The following SEC16A variants were observed in gnomAD, a reference collection of about 807,000 sequenced individuals.
SEC16A encodes SEC16 homolog A, endoplasmic reticulum export factor, also known as protein transport protein Sec16A.
A neutral mutation model predicts 221.9 loss-of-function variants in SEC16A; 110 were observed. The observed-to-expected ratio is 0.50, with a 90% CI of 0.42 to 0.58. The LOEUF (loss-of-function observed/expected upper bound fraction) is 0.58, where lower values mean the gene tolerates loss of function less well. Ranked by LOEUF, SEC16A falls within the 20% of genes least tolerant of loss-of-function variation. SEC16A has a pLI of 0.00. For synonymous variants in SEC16A, 1,393 were observed against 1,257.7 expected (o/e 1.11, Z -2.28); for missense variants, 3,165 against 3,097.8 (o/e 1.02, Z -0.52).
At chr9:136,461,882 G>A (rs1278091297) in intron 12 of SEC16A, among the ~76,000 whole-genome samples, 8 of 152,134 alleles carry the variant, frequency 5.3e-5, no homozygotes, top group African/African-American at 1.4e-4. Flanking sequence ...CAAGGTGGGC[G>A]GATTGCTTGA....
chr9:136,448,162 C>T lies in SEC16A; in HGVS notation c.6313-1G>A. On this transcript the variant is annotated splice_acceptor_variant, in intron 23 of 31. Coordinates refer to ENST00000684901, the MANE Select transcript of SEC16A (RefSeq NM_014866.2). LOFTEE classifies it high-confidence loss of function. ...GCCAACGAAAGAACCAGGATTCACC[C>T]TAAATATAAAAAACACGAGAACAAC... is the stretch of plus-strand genomic sequence containing the variant. 6.2e-7 allele frequency: 1 copy of T among 1,612,176 alleles called. No individual in the cohort carries two copies. Among genetic ancestry groups the T allele is most frequent in the Non-Finnish European group, 8.5e-7 (1 of 1,178,448 alleles).
chr9:136,444,879 CAAAAAAAAAA>C lies in SEC16A; in HGVS notation c.6927+163_6927+172del, dbSNP rs757568383. Among the ~76,000 whole-genome samples, 9 of 65,634 alleles carry C rather than the reference CAAAAAAAAAA, an allele frequency of 1.4e-4. No homozygotes were observed. In the East Asian group the frequency reaches 2.1e-3, roughly 15 times the overall value. The allele number at this position is 65,634 out of a possible 152,430, so 43.1% of individuals were successfully genotyped here. A position where few individuals can be genotyped will look rare whatever the true frequency, so the allele number is the denominator to read the frequency against. On this transcript the variant is annotated intron_variant, in intron 30 of 31. Transcript: ENST00000684901. ...GGGCAACAAGAGCGAAACTCCGTCT[CAAAAAAAAAA>C]AAAAAAAAAAAAGGAACCCTGTACC...
chr9:136,456,672 G>A (rs1252620088), intron 18 of SEC16A, among the ~76,000 whole-genome samples: 2 of 152,320 alleles, frequency 1.3e-5, no homozygotes, highest in Non-Finnish European at 2.9e-5. Context: ...TATCCCATGA[G>A]CACGTTCTCA....
intron 30 of SEC16A, 80 bp from the exon 31 acceptor site, chr9:136,443,980 T>C: frequency 2.1e-6 from 2 of 947,042 alleles, no homozygotes; most frequent in Non-Finnish European, 1.6e-6. Flanking sequence ...CAGACACCGC[T>C]TCTGGGTGGG....
rs1836035897 is a variant in SEC16A at position 136,440,177 on chromosome 9, C to G, written c.*1578G>C. ...TCTCATTTAGGAAAAATAGCCGCTC[C>G]CGCCTGGAGGAAGCTTCTTGAATCA... On this transcript the variant is annotated 3_prime_UTR_variant, in exon 32 of 32. Transcript: ENST00000684901. 2 of 152,480 alleles carry G rather than the reference C, an allele frequency of 1.3e-5. No individual in the cohort carries two copies. Among genetic ancestry groups the G allele is most frequent in the Admixed American group, 1.3e-4 (2 of 15,306 alleles). The allele number at this position is 152,480 out of a possible 1,614,324, so 9.4% of individuals were successfully genotyped here.
At position 136,475,333 on chromosome 9, in the gene SEC16A, T is replaced by G; in HGVS notation, c.2283A>C (p.Pro761=). 6.2e-7 allele frequency: 1 copy of G among 1,611,678 alleles called. No individual in the cohort carries two copies. The highest frequency in any genetic ancestry group is 1.7e-4 in the Middle Eastern group (1 of 6,056). The change falls in exon 3 of 32, where the codon CCA becomes CCC. Residue 761 remains proline (P), a synonymous_variant. Transcript: ENST00000684901. The surrounding 1 kb of genome is among the most constrained non-coding windows in gnomAD (Gnocchi z 5.0). ...AKPQPPVVQP[P]EEAMSGQQSR... ...ACTGCTGCCCGGACATCGCCTCTTCTGGAGGCTGAACAACAGGTGGCTGAG... is the reference window on the plus strand; with the variant it reads ...ACTGCTGCCCGGACATCGCCTCTTCGGGAGGCTGAACAACAGGTGGCTGAG...
At chr9:136,443,714 A>G in intron 31 of SEC16A, 109 bp downstream of exon 31, 1 of 733,488 alleles carries the variant, frequency 1.4e-6, no homozygotes, top group Non-Finnish European at 2.3e-6. Context: ...TATTTTTTAA[A>G]AAGAAAGAAA....
In SEC16A at chr9:136,459,611, G is replaced by A; in HGVS notation, c.5192-56C>T. The stretch of plus-strand genomic sequence containing the variant: ...GGCTCAGCGACCGGGAGCGCTTGCA[G>A]AAGTCAAGGACGCGCACAGAAGGCA... On this transcript the variant is annotated intron_variant, in intron 15 of 31. Transcript: ENST00000684901. This position sits in a 1 kb window ranked among gnomAD's most constrained non-coding sequence, Gnocchi z 6.1. 6.9e-7 allele frequency: 1 copy of A among 1,443,340 alleles called. No homozygotes were observed. The highest frequency in any genetic ancestry group is 1.2e-5 in the South Asian group (1 of 81,678). 89.4% of individuals were successfully genotyped at this position (1,443,340 alleles called of 1,614,324 possible).
At chr9:136,455,227 G>A (rs1006056456) in intron 20 of SEC16A, among the ~76,000 whole-genome samples, 4 of 152,204 alleles carry the variant, frequency 2.6e-5, no homozygotes, top group Admixed American at 2.0e-4. Flanking sequence ...CCACCGACGG[G>A]GCCGACTGGG....
In SEC16A at chr9:136,476,485, T is replaced by C. The variant is rs1564538458; in HGVS notation, c.1131A>G (p.Gln377=). The C allele has an allele frequency of 5.6e-6, 9 of 1,613,174 alleles. No homozygotes were observed. The highest frequency in any genetic ancestry group is 7.6e-6 in the Non-Finnish European group (9 of 1,179,774). ...GASGALAMFF[Q]GGETENEENL... is the part of the protein sequence containing the mutation. ...TCTCCTCATTTTCTGTCTCTCCCCC[T>C]TGGAAAAACATCGCCAGAGCTCCTG... Residue 377 remains glutamine, a synonymous_variant, in exon 3 of 32, where the codon CAA becomes CAG. Coordinates refer to ENST00000684901, the MANE Select transcript of SEC16A (RefSeq NM_014866.2).
intron 13 of SEC16A, among the ~76,000 whole-genome samples, chr9:136,460,976 A>G (rs961351397): frequency 7.9e-5 from 12 of 152,346 alleles, no homozygotes; most frequent in Admixed American, 6.5e-4. Flanking sequence ...AGTACTAAAA[A>G]CCATGCAGTT....
At chr9:136,462,484 G>A (rs535284874) in intron 12 of SEC16A, among the ~76,000 whole-genome samples, 17 of 152,296 alleles carry the variant, frequency 1.1e-4, no homozygotes, top group African/African-American at 4.1e-4. Context: ...GCCTCTGACA[G>A]GTTCAGTGTG....
At chr9:136,456,464 A>G (rs1220713963) in intron 18 of SEC16A, among the ~76,000 whole-genome samples, 1 of 152,146 alleles carries the variant, frequency 6.6e-6, no homozygotes, top group Non-Finnish European at 1.5e-5. Flanking sequence ...ACTCAGCAAA[A>G]GCTGGACTCC....
In SEC16A at chr9:136,466,593, TC is replaced by T; in HGVS notation, c.3930-132del. 1.2e-6 allele frequency: 1 copy of T among 811,448 alleles called. No individual in the cohort carries two copies. The highest frequency in any genetic ancestry group is 1.8e-5 in the South Asian group (1 of 54,642). The allele number at this position is 811,448 out of a possible 1,614,324, so 50.3% of individuals were successfully genotyped here. A position where few individuals can be genotyped will look rare whatever the true frequency, so the allele number is the denominator to read the frequency against. ...AGGCACAACACAGCACACCCGACAC[TC>T]AGGGCCCTCTGACGTGCAACGTTAG... On this transcript the variant is annotated intron_variant, in intron 6 of 31. Transcript: ENST00000684901. This position sits in a 1 kb window ranked among gnomAD's most constrained non-coding sequence, Gnocchi z 5.5.
intron 20 of SEC16A, among the ~76,000 whole-genome samples, chr9:136,455,283 C>T (rs935647939): frequency 2.0e-5 from 3 of 152,132 alleles, no homozygotes; most frequent in South Asian, 2.1e-4. Context: ...CGCCCAGACA[C>T]GGTGCGGCTG....
intron 23 of SEC16A, chr9:136,448,662 G>A: frequency 1.4e-6 from 1 of 712,690 alleles, no homozygotes; most frequent in South Asian, 1.5e-5. Flanking sequence ...GAGACACCAG[G>A]AGGATGGAGG....
rs186096385 is a variant in SEC16A at position 136,453,018 on chromosome 9, C to T, written c.6159+410G>A. On this transcript the variant is annotated intron_variant, in intron 22 of 31. Transcript: ENST00000684901. ...CCAGGAGGTGGAGGTTGCAGTGAGC[C>T]GAGATCGCACCACTGCACTCAAGCC... Among the ~76,000 whole-genome samples, 12 of 145,208 alleles carry T rather than the reference C, an allele frequency of 8.3e-5. No homozygotes were observed. The East Asian group carries it at 2.2e-3, about 27-fold the overall frequency.
Position 136,475,607 on chromosome 9 carries a change from C to T in SEC16A, c.2009G>A (p.Cys670Tyr), listed in dbSNP as rs377026744. ...EQPPDNMETL[C>Y]APQVCPLPLN... ...AGGCAGGGGACAGACCTGGGGTGCA[C>T]AGAGGGTCTCCATGTTGTCTGGTGG... Residue 670 changes from cysteine (C) to tyrosine (Y), a missense_variant, in exon 3 of 32, where the codon TGT (cysteine) becomes TAT (tyrosine). Transcript: ENST00000684901. This position sits in a 1 kb window ranked among gnomAD's most constrained non-coding sequence, Gnocchi z 5.0. 8.1e-6 allele frequency: 13 copies of T among 1,613,574 alleles called. No individual in the cohort carries two copies. The African/African-American group carries it at 1.7e-4, about 22-fold the overall frequency.
chr9:136,446,107 T>C (rs1360461399), intron 28 of SEC16A, among the ~76,000 whole-genome samples: 1 of 150,312 alleles, frequency 6.7e-6, no homozygotes, highest in Non-Finnish European at 1.5e-5. Context: ...TGAGCTGGTT[T>C]TTTTTTTTTT....
Sources: gnomAD v4.1 joint callset for allele counts (sites outside exome capture counted in the v4.1 genomes callset) on GRCh38, gnomAD v4.1.1 for gene constraint, Gnocchi (gnomAD v3.1) non-coding constraint, MANE v1.5 for transcripts, NCBI Gene and HGNC (gene_info 2026-07-23, HGNC 2026-07-21) for gene names.